Variants in ETNK2 observed in about 807,000 individuals in gnomAD.
ETNK2 encodes the protein ethanolamine kinase-like protein.
A neutral mutation model predicts 46.2 loss-of-function variants in ETNK2; 33 were observed. The observed-to-expected ratio is 0.71, with a 90% CI of 0.54 to 0.96. The LOEUF (loss-of-function observed/expected upper bound fraction) is 0.96. Ranked by LOEUF, ETNK2 falls within the 40% of genes least tolerant of loss-of-function variation. ETNK2 has a pLI of 0.00. For synonymous variants in ETNK2, 194 were observed against 209.0 expected, an observed-to-expected ratio of 0.93 and a Z score of 0.62; for missense variants, 445 against 509.7, an observed-to-expected ratio of 0.87 and a Z score of 1.22.
intron 7 of ETNK2, 125 bp downstream of exon 7, chr1:204,134,390 G>C (rs759485755): frequency 2.8e-6 from 3 of 1,068,962 alleles, no homozygotes; most frequent in Non-Finnish European, 4.0e-6. Context: ...AGCTGGAACG[G>C]GGGCGAGTCA....
intron 5 of ETNK2, among the ~76,000 whole-genome samples, chr1:204,137,534 C>T (rs1385419049): frequency 6.6e-6 from 1 of 152,128 alleles, no homozygotes; most frequent in Non-Finnish European, 1.5e-5. Flanking sequence ...GTGACAGGAA[C>T]CCCTCAAGAC....
At position 204,141,428 on chromosome 1, in the gene ETNK2, A is replaced by G. The variant is rs758961107; in HGVS notation, c.671T>C (p.Val224Ala). 89 of 1,606,070 alleles carry G rather than the reference A, an allele frequency of 5.5e-5. No homozygotes were observed. Among genetic ancestry groups the G allele is most frequent in the Admixed American group, 8.6e-5 (5 of 58,240 alleles). The change falls in exon 4 of 8, where the codon GTG becomes GCG. Residue 224 changes from valine to alanine, a missense_variant. Coordinates refer to ENST00000367202, the MANE Select transcript of ETNK2 (RefSeq NM_018208.4). ...CAGCCAGGCCAGCTCCCGTTCCAAC[A>G]CCTCTACCTTAGGGACATCTGCAGA... ...SLSADVPKVE[V>A]LERELAWLKE...
chr1:204,140,704 T>C (rs10900554), intron 4 of ETNK2, among the ~76,000 whole-genome samples: 35,011 of 151,598 alleles, frequency 0.23, 4,386 homozygotes, highest in East Asian at 0.41. Flanking sequence ...TTTGTATTTT[T>C]AGTAGAGATG....
intron 7 of ETNK2, among the ~76,000 whole-genome samples, chr1:204,133,665 G>A (rs1012891159): frequency 5.3e-5 from 8 of 151,758 alleles, no homozygotes; most frequent in African/African-American, 1.9e-4. Context: ...CTGAGTAGCT[G>A]GGACTACAGG....
At chr1:204,139,980 G>A in intron 5 of ETNK2, 55 bp downstream of exon 5, 1 of 1,437,454 alleles carries the variant, frequency 7.0e-7, no homozygotes, top group Non-Finnish European at 9.8e-7. Context: ...CATGCGGTCA[G>A]TCATTGACTG....
At chr1:204,138,737 AC>A (rs1184069250) in intron 5 of ETNK2, 1 of 152,156 alleles carries the variant, frequency 6.6e-6, no homozygotes, top group African/African-American at 2.4e-5. Context: ...TGAACACTTT[AC>A]TGTGCTAGTC....
At position 204,151,645 on chromosome 1, in the gene ETNK2, G is replaced by A; in HGVS notation, c.208C>T (p.Leu70Phe). Residue 70 changes from leucine to phenylalanine, a missense_variant, in exon 1 of 8, where the codon CTC (leucine) becomes TTC (phenylalanine). Physicochemically the swap from Leu to Phe is conservative, Grantham distance 22. Transcript: ENST00000367202. The surrounding 1 kb of genome is among the most constrained non-coding windows in gnomAD (Gnocchi z 8.0). ...PDDILPGALR[L>F]IQELRPHWKP... ...CAATGCGGCCGCAGCTCCTGGATGAGGCGCAGGGCCCCGGGAAGGATGTCG... is the reference window on the plus strand; with the variant it reads ...CAATGCGGCCGCAGCTCCTGGATGAAGCGCAGGGCCCCGGGAAGGATGTCG... 1 of 1,549,420 alleles carries A rather than the reference G, an allele frequency of 6.5e-7. No individual in the cohort carries two copies. Among genetic ancestry groups the A allele is most frequent in the Non-Finnish European group, 8.7e-7 (1 of 1,146,424 alleles).
At position 204,146,946 on chromosome 1, in the gene ETNK2, AGAG is replaced by A. The variant is rs1323075896; in HGVS notation, c.519-185_519-183del. 5.2e-6 allele frequency: 4 copies of A among 771,948 alleles called. No individual in the cohort carries two copies. The Admixed American group carries it at 6.0e-5, about 12-fold the overall frequency. The allele number at this position is 771,948 out of a possible 1,614,324, so 47.8% of individuals were successfully genotyped here. A position where few individuals can be genotyped will look rare whatever the true frequency, so the allele number is the denominator to read the frequency against. Reference sequence around the variant, plus strand: ...TGCAGAAGGAAGGTCTCAGCAGAAGAGAGGAGAATGAATTAAGACCTTAGCCTG... The same window carrying A: ...TGCAGAAGGAAGGTCTCAGCAGAAGAGAGAATGAATTAAGACCTTAGCCTG... On this transcript the variant is annotated intron_variant, in intron 2 of 7. Transcript: ENST00000367202.
rs1367043770 is a variant in ETNK2, at chr1:204,151,568, T to C, written c.258+27A>G. The C allele has an allele frequency of 6.5e-7, 1 of 1,548,058 alleles. No individual in the cohort carries two copies. The highest frequency in any genetic ancestry group is 8.7e-7 in the Non-Finnish European group (1 of 1,145,928). ...CCCTGGCAGCCCTGGCAGGACCCCA[T>C]CCTCGGCCCCGCGCCCACTCCGCTA... On this transcript the variant is annotated intron_variant, in intron 1 of 7. Transcript: ENST00000367202. The surrounding 1 kb of genome is among the most constrained non-coding windows in gnomAD (Gnocchi z 8.0).
intron 3 of ETNK2, among the ~76,000 whole-genome samples, chr1:204,143,987 C>G (rs1322438434): frequency 8.5e-5 from 13 of 152,174 alleles, no homozygotes; most frequent in Admixed American, 8.5e-4. Flanking sequence ...CCCGCCACCT[C>G]AAGTTGCCGT....
intron 7 of ETNK2, among the ~76,000 whole-genome samples, chr1:204,133,534 ATTTT>A (rs1277693481): frequency 1.5e-4 from 20 of 131,068 alleles, no homozygotes; most frequent in Non-Finnish European, 2.6e-4. Flanking sequence ...ATTTTATTTT[ATTTT>A]TTTTTTTTTT....
intron 3 of ETNK2, among the ~76,000 whole-genome samples, chr1:204,144,163 T>G (rs1428398023): frequency 1.3e-5 from 2 of 151,600 alleles, no homozygotes; most frequent in Non-Finnish European, 2.9e-5. Context: ...CTGGCCAACA[T>G]GACAAAACCC....
intron 3 of ETNK2, among the ~76,000 whole-genome samples, chr1:204,145,495 C>T (rs1203645378): frequency 6.6e-6 from 1 of 152,170 alleles, no homozygotes; most frequent in Non-Finnish European, 1.5e-5. Context: ...CTGTTCTAAC[C>T]CTGAGGGAAA....
chr1:204,150,321 C>G (rs1401685539), intron 1 of ETNK2, among the ~76,000 whole-genome samples: 1 of 152,174 alleles, frequency 6.6e-6, no homozygotes, highest in African/African-American at 2.4e-5. Context: ...CATCATGGAC[C>G]AGAATGTGGC....
Position 204,136,697 on chromosome 1 carries a change from G to A in ETNK2, c.1014+407C>T, listed in dbSNP as rs144506054. Among the ~76,000 whole-genome samples, 283 of 144,508 alleles carry A rather than the reference G, an allele frequency of 2.0e-3. 5 individuals carry two copies. In the South Asian group the frequency reaches 0.04, roughly 20 times the overall value. The allele number at this position is 144,508 out of a possible 152,430, so 94.8% of individuals were successfully genotyped here. A position where few individuals can be genotyped will look rare whatever the true frequency, so the allele number is the denominator to read the frequency against. Reference sequence around the variant, plus strand: ...CATTGCACTCTAGCCTGGGCAACAAGAGTGAGACTCTGCCTCAAAAAAAAA... The same window carrying A: ...CATTGCACTCTAGCCTGGGCAACAAAAGTGAGACTCTGCCTCAAAAAAAAA... On this transcript the variant is annotated intron_variant, in intron 6 of 7. Coordinates refer to ENST00000367202, the MANE Select transcript of ETNK2 (RefSeq NM_018208.4).
chr1:204,134,019 T>C (rs1173271638), intron 7 of ETNK2, among the ~76,000 whole-genome samples: 1 of 152,102 alleles, frequency 6.6e-6, no homozygotes, highest in East Asian at 1.9e-4. Context: ...GAATCATCGA[T>C]ACACAAGCAG....
At position 204,151,925 on chromosome 1, in the gene ETNK2, A is replaced by C; in HGVS notation, c.-73T>G. On this transcript the variant is annotated 5_prime_UTR_variant, in exon 1 of 8. Transcript: ENST00000367202. The surrounding 1 kb of genome is among the most constrained non-coding windows in gnomAD (Gnocchi z 8.0). ...CGGGGGGGTCCGGCGAGGGAGTGGG[A>C]GTGGTAGAGGAGGGGCCAGGGGAAG... 7 of 1,385,656 alleles carry C rather than the reference A, an allele frequency of 5.1e-6. No individual in the cohort carries two copies. Among genetic ancestry groups the C allele is most frequent in the Non-Finnish European group, 6.5e-6 (7 of 1,072,688 alleles). 85.8% of individuals were successfully genotyped at this position (1,385,656 alleles called of 1,614,324 possible).
At chr1:204,142,400 A>G (rs568188931) in intron 3 of ETNK2, 2 of 152,376 alleles carry the variant, frequency 1.3e-5, no homozygotes, top group East Asian at 3.9e-4. Context: ...TGAAAGAAAC[A>G]CATGTTGAGG....
rs1464289784 is a variant in ETNK2 at position 204,151,167 on chromosome 1, T to C, written c.258+428A>G. On this transcript the variant is annotated intron_variant, in intron 1 of 7. Transcript: ENST00000367202. This position sits in a 1 kb window ranked among gnomAD's most constrained non-coding sequence, Gnocchi z 8.0. ...GAGCCTGGAGGATTTGCTCCCACCATGGGGTGGAGAAGGGGCAGCAATGTA... is the reference window on the plus strand; with the variant it reads ...GAGCCTGGAGGATTTGCTCCCACCACGGGGTGGAGAAGGGGCAGCAATGTA... The C allele has an allele frequency of 5.6e-6, 1 of 179,874 alleles. No homozygotes were observed. Among genetic ancestry groups the C allele is most frequent in the Non-Finnish European group, 9.6e-6 (1 of 104,596 alleles). The allele number at this position is 179,874 out of a possible 1,614,324, so 11.1% of individuals were successfully genotyped here.
Sources: allele counts gnomAD v4.1 joint callset (sites outside exome capture counted in the v4.1 genomes callset), GRCh38; gene constraint gnomAD v4.1.1; non-coding constraint Gnocchi (gnomAD v3.1); transcripts MANE v1.5; gene names NCBI Gene and HGNC (gene_info 2026-07-23, HGNC 2026-07-21).